PCBP4: variants seen among roughly 807,000 people sequenced by gnomAD.
PCBP4 encodes the protein poly(rC) binding protein 4, also known as poly(rC)-binding protein 4.
PCBP4 carries 24 observed loss-of-function variants against 46.2 expected under a neutral mutation model. That is an observed-to-expected ratio of 0.52 (90% CI 0.38 to 0.73). The LOEUF (loss-of-function observed/expected upper bound fraction) is 0.73. Among genes scored for constraint, PCBP4 ranks in the 30% least tolerant of loss-of-function variants. The pLI is 0.00. For missense variants in PCBP4, 407 were observed against 537.0 expected, an observed-to-expected ratio of 0.76 and a Z score of 2.39; for synonymous variants, 203 against 224.4, an observed-to-expected ratio of 0.90 and a Z score of 0.85.
rs754254920 is a variant in PCBP4 at position 51,960,484 on chromosome 3, T to G, written c.255+42A>C. ...TCTGGAGTCAGAGTTGGGTTCCTCC[T>G]GGGGAACCACTCTTGGCGTCCTGCC... On this transcript the variant is annotated intron_variant, in intron 6 of 13. Transcript: ENST00000461554. This position sits in a 1 kb window ranked among gnomAD's most constrained non-coding sequence, Gnocchi z 5.0. The G allele has an allele frequency of 6.4e-7, 1 of 1,564,786 alleles. No homozygotes were observed.
chr3:51,965,345 C>T (rs1041202105), intron 1 of PCBP4, among the ~76,000 whole-genome samples: 1 of 152,222 alleles, frequency 6.6e-6, no homozygotes, highest in African/African-American at 2.4e-5. Context: ...GCACCTCCAG[C>T]CCTTCGGGCC....
chr3:51,958,881 C>G lies in PCBP4; in HGVS notation c.832G>C (p.Gly278Arg). ...RQMSGAHIKIGNQAEGAGERH... is the reference protein window; with the variant it reads ...RQMSGAHIKIRNQAEGAGERH... ...TCCCCAGCGCCCTCTGCTTGGTTCC[C>G]GATCTTGATATGTGCCCCTGACATC... is the stretch of plus-strand genomic sequence containing the variant. Residue 278 changes from glycine to arginine, a missense_variant, in exon 13 of 14, where the codon GGG (glycine) becomes CGG (arginine). By Grantham distance (125) the Gly-to-Arg change is moderately radical. Coordinates refer to ENST00000461554, the MANE Select transcript of PCBP4 (RefSeq NM_001174100.2). This position sits in a 1 kb window ranked among gnomAD's most constrained non-coding sequence, Gnocchi z 5.4. The G allele has an allele frequency of 6.2e-7, 1 of 1,613,948 alleles. No homozygotes were observed. The highest frequency in any genetic ancestry group is 1.3e-5 in the African/African-American group (1 of 74,978).
In PCBP4 at chr3:51,961,153, C is replaced by A. The variant is rs766294791; in HGVS notation, c.81+7G>T. ...TTGCCTCGCCTGGCCCTCCACCTCC[C>A]GCTCACCTTCCCGTGCATCAGCATC... On this transcript the variant is annotated splice_region_variant and intron_variant, in intron 3 of 13. Coordinates refer to ENST00000461554, the MANE Select transcript of PCBP4 (RefSeq NM_001174100.2). 6.2e-7 allele frequency: 1 copy of A among 1,613,680 alleles called. No homozygotes were observed.
rs771424807 is a variant in PCBP4, at chr3:51,959,613, G to A, written c.555C>T (p.Ser185=). Residue 185 remains serine, a synonymous_variant, in exon 9 of 14, where the codon AGC becomes AGT. Transcript: ENST00000461554. The surrounding 1 kb of genome is among the most constrained non-coding windows in gnomAD (Gnocchi z 5.6). ...PKGATIPYHP[S]LSLGTVLLSA... is the part of the protein sequence containing the mutation. ...AGAGAAGAACAGTACCTAGGGAGAG[G>A]CTCGGATGGTAGGGGATAGTGGCTC... The A allele has an allele frequency of 7.1e-6, 11 of 1,552,294 alleles. No homozygotes were observed. The highest frequency in any genetic ancestry group is 1.4e-5 in the African/African-American group (1 of 73,098).
In PCBP4 at chr3:51,959,842, G is replaced by C; in HGVS notation, c.516+53C>G. On this transcript the variant is annotated intron_variant, in intron 8 of 13. Coordinates refer to ENST00000461554, the MANE Select transcript of PCBP4 (RefSeq NM_001174100.2). This position sits in a 1 kb window ranked among gnomAD's most constrained non-coding sequence, Gnocchi z 5.6. ...GCATAGGGTTTGGGGTCCCCGACAA[G>C]GCAGACCCAGGGCCCATCTCCTGCC... 1 of 1,553,034 alleles carries C rather than the reference G, an allele frequency of 6.4e-7. No individual in the cohort carries two copies. The highest frequency in any genetic ancestry group is 1.2e-5 in the South Asian group (1 of 80,716).
In PCBP4 at chr3:51,958,725, C is replaced by G; in HGVS notation, c.923+65G>C. On this transcript the variant is annotated intron_variant, in intron 13 of 13. Transcript: ENST00000461554. The surrounding 1 kb of genome is among the most constrained non-coding windows in gnomAD (Gnocchi z 5.4). ...AGGAGGCCAGCTTCCTCTCCCCACC[C>G]CTGCCTTTCTTGGGCACATGAGAAC... is the stretch of plus-strand genomic sequence containing the variant. 1 of 1,548,300 alleles carries G rather than the reference C, an allele frequency of 6.5e-7. No homozygotes were observed. The highest frequency in any genetic ancestry group is 8.8e-7 in the Non-Finnish European group (1 of 1,142,756).
chr3:51,960,513 G>A lies in PCBP4; in HGVS notation c.255+13C>T, dbSNP rs1268013095. ...GAACCACTCTTGGCGTCCTGCCCTG[G>A]CCAGCCACGGACCTCATCCAGTTTG... On this transcript the variant is annotated intron_variant, in intron 6 of 13. Coordinates refer to ENST00000461554, the MANE Select transcript of PCBP4 (RefSeq NM_001174100.2). This position sits in a 1 kb window ranked among gnomAD's most constrained non-coding sequence, Gnocchi z 5.0. 3 of 1,601,634 alleles carry A rather than the reference G, an allele frequency of 1.9e-6. No homozygotes were observed. The highest frequency in any genetic ancestry group is 2.6e-6 in the Non-Finnish European group (3 of 1,168,786).
rs1339117520 is a variant in PCBP4, at chr3:51,961,159, C to G, written c.81+1G>C. 6.2e-7 allele frequency: 1 copy of G among 1,613,828 alleles called. No individual in the cohort carries two copies. Among genetic ancestry groups the G allele is most frequent in the South Asian group, 1.1e-5 (1 of 91,084 alleles). On this transcript the variant is annotated splice_donor_variant, in intron 3 of 13. Transcript: ENST00000461554. LOFTEE classifies it high-confidence loss of function. ...CGCCTGGCCCTCCACCTCCCGCTCA[C>G]CTTCCCGTGCATCAGCATCCGCAGC...
At chr3:51,961,445 G>T in intron 2 of PCBP4, 141 bp from the exon 3 acceptor site, 1 of 1,006,278 alleles carries the variant, frequency 9.9e-7, no homozygotes, top group Non-Finnish European at 1.4e-6. Context: ...ACATCACTCT[G>T]ACCAGGGTGC....
chr3:51,958,793 G>A lies in PCBP4; in HGVS notation c.920C>T (p.Ala307Val). The A allele has an allele frequency of 6.2e-7, 1 of 1,611,860 alleles. No homozygotes were observed. The highest frequency in any genetic ancestry group is 8.5e-7 in the Non-Finnish European group (1 of 1,178,690). The change falls in exon 13 of 14, where the codon GCC (alanine) becomes GTC (valine). Residue 307 changes from alanine (A) to valine (V), a missense_variant. Physicochemically the swap from Ala to Val is moderately conservative, Grantham distance 64. Coordinates refer to ENST00000461554, the MANE Select transcript of PCBP4 (RefSeq NM_001174100.2). This position sits in a 1 kb window ranked among gnomAD's most constrained non-coding sequence, Gnocchi z 5.4. The stretch of plus-strand genomic sequence containing the variant: ...CTGCCGCCCAGCCCGCGCTCACCAG[G>A]CAGTGATGAGGTACTGGGCCAGGGC... Reference protein sequence around the residue: ...SIALAQYLITACLETAKSTSG... With the variant: ...SIALAQYLITVCLETAKSTSG...
At position 51,957,962 on chromosome 3, in the gene PCBP4, C is replaced by T. The variant is rs906394782; in HGVS notation, c.*99G>A. 4.4e-6 allele frequency: 5 copies of T among 1,147,120 alleles called. No individual in the cohort carries two copies. The highest frequency in any genetic ancestry group is 2.6e-5 in the Admixed American group (1 of 39,026). The allele number at this position is 1,147,120 out of a possible 1,614,324, so 71.1% of individuals were successfully genotyped here. ...CATCCATGCGTCTGGGCGTTAGCGGCGTTTGGGACCCCAGGGTGGAGTCTC... is the reference window on the plus strand; with the variant it reads ...CATCCATGCGTCTGGGCGTTAGCGGTGTTTGGGACCCCAGGGTGGAGTCTC... On this transcript the variant is annotated 3_prime_UTR_variant, in exon 14 of 14. Coordinates refer to ENST00000461554, the MANE Select transcript of PCBP4 (RefSeq NM_001174100.2).
In PCBP4 at chr3:51,960,610, G is replaced by C. The variant is rs1164879516; in HGVS notation, c.171C>G (p.Ser57=). 6.2e-7 allele frequency: 1 copy of C among 1,614,126 alleles called. No homozygotes were observed. Among genetic ancestry groups the C allele is most frequent in the East Asian group, 2.2e-5 (1 of 44,886 alleles). ...SSARITISEG[S]CPERITTITG... ...TGATGGTGGTGATGCGTTCAGGGCA[G>C]GAGCCCTCGGAGATGGTGATCCGGG... Residue 57 remains serine (S), a synonymous_variant, in exon 6 of 14, where the codon TCC becomes TCG. Coordinates refer to ENST00000461554, the MANE Select transcript of PCBP4 (RefSeq NM_001174100.2). The surrounding 1 kb of genome is among the most constrained non-coding windows in gnomAD (Gnocchi z 5.0).
intron 1 of PCBP4, among the ~76,000 whole-genome samples, chr3:51,963,507 A>G (rs1700277335): frequency 6.6e-6 from 1 of 152,156 alleles, no homozygotes. Flanking sequence ...TCTGGGGTTC[A>G]AGGACCCCCT....
In PCBP4 at chr3:51,958,358, A is replaced by G; in HGVS notation, c.924-9T>C. 1 of 1,465,506 alleles carries G rather than the reference A, an allele frequency of 6.8e-7. No homozygotes were observed. Among genetic ancestry groups the G allele is most frequent in the East Asian group, 2.5e-5 (1 of 40,638 alleles). 90.8% of individuals were successfully genotyped at this position (1,465,506 alleles called of 1,614,324 possible). On this transcript the variant is annotated splice_polypyrimidine_tract_variant and intron_variant, in intron 13 of 13. Transcript: ENST00000461554. The surrounding 1 kb of genome is among the most constrained non-coding windows in gnomAD (Gnocchi z 5.4). ...ACTTGGCCGTCTCTAGACTGGAGAG[A>G]GGGATATAGAGGGGAGACAAAGGGG...
intron 1 of PCBP4, among the ~76,000 whole-genome samples, chr3:51,963,439 T>A (rs1316361414): frequency 1.3e-5 from 2 of 152,178 alleles, no homozygotes; most frequent in African/African-American, 4.8e-5. Context: ...AAGACAGGGA[T>A]CCTATTTGGA....
Position 51,960,296 on chromosome 3 carries a change from C to A in PCBP4, c.280G>T (p.Gly94Cys). The A allele has an allele frequency of 6.2e-7, 1 of 1,613,966 alleles. No homozygotes were observed. Among genetic ancestry groups the A allele is most frequent in the Non-Finnish European group, 8.5e-7 (1 of 1,179,978 alleles). Residue 94 changes from glycine (G) to cysteine (C), a missense_variant, in exon 7 of 14, where the codon GGT (glycine) becomes TGT (cysteine). Transcript: ENST00000461554. This position sits in a 1 kb window ranked among gnomAD's most constrained non-coding sequence, Gnocchi z 5.0. ...ACTGGAGGCCTGGAGACATTTCCAC[C>A]ATTTGCAGGAGCAGCACAAAGGTCC... is the stretch of plus-strand genomic sequence containing the variant. Reference protein sequence around the residue: ...DEDLCAAPANGGNVSRPPVTL... With the variant: ...DEDLCAAPANCGNVSRPPVTL...
In PCBP4 at chr3:51,960,507, G is replaced by T; in HGVS notation, c.255+19C>A. 2 of 1,590,856 alleles carry T rather than the reference G, an allele frequency of 1.3e-6. No homozygotes were observed. The highest frequency in any genetic ancestry group is 1.3e-5 in the African/African-American group (1 of 74,490). On this transcript the variant is annotated intron_variant, in intron 6 of 13. Transcript: ENST00000461554. The surrounding 1 kb of genome is among the most constrained non-coding windows in gnomAD (Gnocchi z 5.0). ...CCTGGGGAACCACTCTTGGCGTCCT[G>T]CCCTGGCCAGCCACGGACCTCATCC... is the stretch of plus-strand genomic sequence containing the variant.
Position 51,960,444 on chromosome 3 carries a change from C to A in PCBP4, c.255+82G>T. On this transcript the variant is annotated intron_variant, in intron 6 of 13. Transcript: ENST00000461554. This position sits in a 1 kb window ranked among gnomAD's most constrained non-coding sequence, Gnocchi z 5.0. Reference sequence around the variant, plus strand: ...CTGCCCTGGGCTTGACCTCCCCTCCCACCCATAGCCACTATCTGGAGTCAG... The same window carrying A: ...CTGCCCTGGGCTTGACCTCCCCTCCAACCCATAGCCACTATCTGGAGTCAG... 6.5e-7 allele frequency: 1 copy of A among 1,543,920 alleles called. No homozygotes were observed. Among genetic ancestry groups the A allele is most frequent in the Admixed American group, 1.7e-5 (1 of 59,654 alleles).
chr3:51,958,178 G>C lies in PCBP4; in HGVS notation c.1095C>G (p.Phe365Leu), dbSNP rs761449506. ...SNFIGLKPMP[F>L]LALPPASPGP... ...CTGGGGAAGCAGGTGGTAAAGCCAA[G>C]AAGGGCATGGGCTTGAGGCCGATGA... Residue 365 changes from phenylalanine to leucine, a missense_variant, in exon 14 of 14, where the codon TTC becomes TTG. Transcript: ENST00000461554. This position sits in a 1 kb window ranked among gnomAD's most constrained non-coding sequence, Gnocchi z 5.4. 3.7e-6 allele frequency: 6 copies of C among 1,613,574 alleles called. No homozygotes were observed. Among genetic ancestry groups the C allele is most frequent in the Non-Finnish European group, 5.1e-6 (6 of 1,179,730 alleles).
Sources: gnomAD v4.1 joint callset for allele counts (sites outside exome capture counted in the v4.1 genomes callset) on GRCh38, gnomAD v4.1.1 for gene constraint, Gnocchi (gnomAD v3.1) non-coding constraint, MANE v1.5 for transcripts, NCBI Gene and HGNC (gene_info 2026-07-23, HGNC 2026-07-21) for gene names.